DPP6: variants seen among roughly 807,000 people sequenced by gnomAD.
DPP6 encodes dipeptidyl peptidase like 6.
DPP6 carries 69 observed loss-of-function variants against 122.6 expected under a neutral mutation model. That is an observed-to-expected ratio of 0.56 (90% confidence interval 0.46 to 0.69). DPP6 has a LOEUF of 0.69. Among genes scored for constraint, DPP6 ranks in the 30% least tolerant of loss-of-function variants. The probability of loss-of-function intolerance (pLI) is 0.00; values close to 1 mark genes in which losing one functional copy is unlikely to be tolerated. For missense variants in DPP6, 928 were observed against 1,116.9 expected (o/e 0.83, Z 2.41); for synonymous variants, 418 against 433.1 (o/e 0.97, Z 0.43).
At chr7:153,842,104 T>C in the DPP6 span, among the ~76,000 whole-genome samples, 1 of 152,168 alleles carries the variant, frequency 6.6e-6, no homozygotes, top group Non-Finnish European at 1.5e-5. Context: ...AACATGTCGT[T>C]CCTATAAATA....
At chr7:154,882,855 GTGCCCC>G (rs1176174229) in intron 21 of DPP6, among the ~76,000 whole-genome samples, 1 of 152,182 alleles carries the variant, frequency 6.6e-6, no homozygotes, top group East Asian at 1.9e-4. Flanking sequence ...ATTAGACAAG[GTGCCCC>G]TGCCCTATTA....
intron 1 of DPP6, among the ~76,000 whole-genome samples, chr7:154,214,123 G>A (rs150657614): frequency 2.0e-5 from 3 of 152,284 alleles, no homozygotes; most frequent in South Asian, 4.1e-4. Flanking sequence ...GAGCAAAGTC[G>A]CTGTTTATTT....
At chr7:153,788,693 G>A in the DPP6 span, among the ~76,000 whole-genome samples, 1 of 152,176 alleles carries the variant, frequency 6.6e-6, no homozygotes, top group Non-Finnish European at 1.5e-5. Flanking sequence ...GCAGAGTGCA[G>A]TGGCTCACGC....
intron 6 of DPP6, among the ~76,000 whole-genome samples, chr7:154,649,533 C>A (rs565012763): frequency 6.6e-6 from 1 of 152,148 alleles, no homozygotes; most frequent in Non-Finnish European, 1.5e-5. Flanking sequence ...ACTTTTTTGA[C>A]CCCCTGCCCT....
intron 7 of DPP6, among the ~76,000 whole-genome samples, chr7:154,717,425 G>A (rs1469676839): frequency 1.3e-5 from 2 of 151,054 alleles, no homozygotes; most frequent in African/African-American, 2.5e-5. Context: ...CACCTTCCCA[G>A]CACCGTTCTA....
intron 10 of DPP6, among the ~76,000 whole-genome samples, chr7:154,775,893 T>C (rs1431366402): frequency 6.6e-6 from 1 of 152,152 alleles, no homozygotes; most frequent in Non-Finnish European, 1.5e-5. Flanking sequence ...CTCCCCATCA[T>C]GGTCCAGGGC....
the DPP6 span, among the ~76,000 whole-genome samples, chr7:153,806,645 G>A: frequency 6.6e-6 from 1 of 151,930 alleles, no homozygotes; most frequent in Admixed American, 6.5e-5. Flanking sequence ...CATCATTCCT[G>A]TACAACTGTA....
chr7:154,695,805 G>A (rs1446454936), intron 7 of DPP6, among the ~76,000 whole-genome samples: 1 of 152,178 alleles, frequency 6.6e-6, no homozygotes, highest in South Asian at 2.1e-4. Flanking sequence ...GGCCTGTCTG[G>A]AAATGAGTTC....
intron 1 of DPP6, among the ~76,000 whole-genome samples, chr7:154,296,014 G>A (rs567293809): frequency 1.4e-4 from 21 of 146,186 alleles, no homozygotes; most frequent in South Asian, 4.4e-4. Flanking sequence ...GTGCTATCTC[G>A]GCTCACTGCA....
chr7:153,936,633 C>T (rs1189569728), intron 1 of DPP6, among the ~76,000 whole-genome samples: 3 of 150,500 alleles, frequency 2.0e-5, no homozygotes, highest in Admixed American at 1.3e-4. Context: ...GGTGAAACCC[C>T]GTCTCTACTA....
At chr7:154,147,443 T>TC (rs1563247347) in intron 1 of DPP6, among the ~76,000 whole-genome samples, 3 of 142,036 alleles carry the variant, frequency 2.1e-5, no homozygotes, top group Non-Finnish European at 4.6e-5. Context: ...TTCACTTTAT[T>TC]CATTTCCTTC....
intron 7 of DPP6, among the ~76,000 whole-genome samples, chr7:154,703,941 A>T (rs1190077732): frequency 6.6e-6 from 1 of 152,170 alleles, no homozygotes; most frequent in Non-Finnish European, 1.5e-5. Flanking sequence ...TGTCTCAAAA[A>T]AAAAAAAAAG....
intron 1 of DPP6, among the ~76,000 whole-genome samples, chr7:154,433,691 A>G (rs1443417640): frequency 6.6e-6 from 1 of 152,200 alleles, no homozygotes. Flanking sequence ...TGTCCTAGGA[A>G]CTAGATAATT....
intron 3 of DPP6, among the ~76,000 whole-genome samples, chr7:154,488,660 T>G (rs780144808): frequency 7.2e-5 from 11 of 151,966 alleles, no homozygotes; most frequent in Non-Finnish European, 1.3e-4. Flanking sequence ...TCTTAATCAC[T>G]TAGCATCCCG....
chr7:153,860,169 G>A, the DPP6 span, among the ~76,000 whole-genome samples: 111 of 152,154 alleles, frequency 7.3e-4, 3 homozygotes, highest in Admixed American at 5.8e-3. Context: ...AGCATATTTC[G>A]AGATTTAAAA....
intron 1 of DPP6, among the ~76,000 whole-genome samples, chr7:154,130,235 C>T (rs1029364359): frequency 6.6e-6 from 1 of 152,076 alleles, no homozygotes; most frequent in African/African-American, 2.4e-5. Context: ...GGGATGTGTC[C>T]TAGAAGGCAG....
In DPP6 at chr7:154,794,089, A is replaced by G; in HGVS notation, c.1147A>G (p.Ile383Val). ...GTTTGGCGTTTCCAGGGAGTACTAC[A>G]TCACCATGGTGAAGTGGGCCACCAG... ...PDDPRMREYY[I>V]TMVKWATSTK... The change falls in exon 11 of 26, where the codon ATC becomes GTC. Residue 383 changes from isoleucine (I) to valine (V), a missense_variant. Transcript: ENST00000377770. 1 of 1,613,476 alleles carries G rather than the reference A, an allele frequency of 6.2e-7. No homozygotes were observed. Among genetic ancestry groups the G allele is most frequent in the Non-Finnish European group, 8.5e-7 (1 of 1,179,644 alleles).
intron 6 of DPP6, among the ~76,000 whole-genome samples, chr7:154,664,762 T>C (rs1012890211): frequency 1.3e-5 from 2 of 152,074 alleles, no homozygotes; most frequent in East Asian, 1.9e-4. Context: ...CAATGAGATA[T>C]AAGCTATGAA....
chr7:153,960,687 G>A (rs1240730511), intron 1 of DPP6, among the ~76,000 whole-genome samples: 3 of 146,574 alleles, frequency 2.0e-5, no homozygotes, highest in African/African-American at 5.1e-5. Flanking sequence ...GTGTACATGC[G>A]TGTGCATGTG....
Sources: gnomAD v4.1 joint callset for allele counts (sites outside exome capture counted in the v4.1 genomes callset) on GRCh38, gnomAD v4.1.1 for gene constraint, MANE v1.5 for transcripts, NCBI Gene and HGNC (gene_info 2026-07-23, HGNC 2026-07-21) for gene names.